Variants in CFAP206 observed in about 807,000 individuals in gnomAD.
CFAP206 encodes the protein cilia- and flagella-associated protein 206.
CFAP206 carries 53 observed loss-of-function variants against 65.4 expected under a neutral mutation model. The ratio of observed to expected loss-of-function variants is 0.81; its 90% CI spans 0.65 to 1.02. CFAP206 has a LOEUF of 1.02. Ranked by LOEUF, CFAP206 falls within the 50% of genes least tolerant of loss-of-function variation. CFAP206 has a pLI of 0.00. For missense variants in CFAP206, 663 were observed against 753.2 expected (o/e 0.88, Z 1.40); for synonymous variants, 250 against 254.4 (o/e 0.98, Z 0.17).
At chr6:87,428,479 C>T in intron 8 of CFAP206, 147 bp from the exon 9 acceptor site, 2 of 654,676 alleles carry the variant, frequency 3.1e-6, no homozygotes, top group Non-Finnish European at 5.3e-6. Context: ...AAATGTCTAT[C>T]TAAAGTCTAC....
intron 11 of CFAP206, chr6:87,436,946 G>T (rs1768277754): frequency 6.6e-6 from 1 of 152,146 alleles, no homozygotes; most frequent in African/African-American, 2.4e-5. Flanking sequence ...TTGCCAATTT[G>T]ATGAATTTAA....
At chr6:87,457,413 A>G (rs576235105) in intron 11 of CFAP206, among the ~76,000 whole-genome samples, 2 of 152,344 alleles carry the variant, frequency 1.3e-5, no homozygotes, top group African/African-American at 4.8e-5. Flanking sequence ...CTAACTTCAA[A>G]TTATACTACA....
intron 11 of CFAP206, among the ~76,000 whole-genome samples, chr6:87,439,883 A>C (rs1768337349): frequency 1.3e-5 from 2 of 152,148 alleles, no homozygotes; most frequent in South Asian, 4.1e-4. Flanking sequence ...CAATTTTAAA[A>C]AAAATCCTAT....
At chr6:87,433,926 C>A (rs781728749) in intron 10 of CFAP206, among the ~76,000 whole-genome samples, 2 of 151,720 alleles carry the variant, frequency 1.3e-5, no homozygotes, top group Non-Finnish European at 2.9e-5. Context: ...TTGATGAAAC[C>A]CCGTCTCTAT....
At chr6:87,421,211 C>T (rs1377070069) in intron 7 of CFAP206, among the ~76,000 whole-genome samples, 2 of 152,178 alleles carry the variant, frequency 1.3e-5, no homozygotes, top group South Asian at 2.1e-4. Context: ...ATAGGCCGAG[C>T]GTGGTGGCTC....
In CFAP206 at chr6:87,426,613, T is replaced by A. The variant is rs143566793; in HGVS notation, c.928T>A (p.Ser310Thr). ...GGAACAACTAAAAATGACCATAAAA[T>A]CAAAGATAGCGGTCCCAACATCACA... ...HLEQLKMTIK[S>T]KIAVPTSQVF... The change falls in exon 8 of 13, where the codon TCA (serine) becomes ACA (threonine). Residue 310 changes from serine (S) to threonine (T), a missense_variant. By Grantham distance (58) the Ser-to-Thr change is moderately conservative. Coordinates refer to ENST00000369562, the MANE Select transcript of CFAP206 (RefSeq NM_001031743.3). 6.5e-5 allele frequency: 103 copies of A among 1,595,100 alleles called. No homozygotes were observed. The African/African-American group carries it at 1.3e-3, about 20-fold the overall frequency.
chr6:87,408,651 T>A (rs1390786877), intron 1 of CFAP206: 1 of 152,306 alleles, frequency 6.6e-6, no homozygotes, highest in Non-Finnish European at 1.5e-5. Flanking sequence ...ATGCGCTGCC[T>A]GTGATCTTGG....
intron 11 of CFAP206, among the ~76,000 whole-genome samples, chr6:87,449,015 A>T (rs1169677664): frequency 6.6e-6 from 1 of 152,140 alleles, no homozygotes; most frequent in African/African-American, 2.4e-5. Flanking sequence ...CTTTGGATAT[A>T]TGCCCAGCAG....
chr6:87,464,194 A>C lies in CFAP206; in HGVS notation c.1813A>C (p.Ser605Arg). ...CTTGGCTGGTCTTCGTGGAGGAAAG[A>C]GCGAAATCACCGATGAGGTCAAGGT... ...IYLAGLRGGK[S>R]EITDEVKVNL... Residue 605 changes from serine to arginine, a missense_variant, in exon 13 of 13, where the codon AGC becomes CGC. By Grantham distance (110) the Ser-to-Arg change is moderately radical. Coordinates refer to ENST00000369562, the MANE Select transcript of CFAP206 (RefSeq NM_001031743.3). The C allele has an allele frequency of 6.2e-7, 1 of 1,614,200 alleles. No individual in the cohort carries two copies. The highest frequency in any genetic ancestry group is 1.1e-5 in the South Asian group (1 of 91,080).
chr6:87,464,375 T>G lies in CFAP206; in HGVS notation c.*125T>G, dbSNP rs967549609. On this transcript the variant is annotated 3_prime_UTR_variant, in exon 13 of 13. Transcript: ENST00000369562. ...CACATTCATTGGTTGTGTGACTGTT[T>G]ATTGGGTTCCCATATTTTATCAAAC... 9.1e-5 allele frequency: 55 copies of G among 603,270 alleles called. No individual in the cohort carries two copies. In the African/African-American group the frequency reaches 9.4e-4, roughly 10 times the overall value. The allele number at this position is 603,270 out of a possible 1,614,324, so 37.4% of individuals were successfully genotyped here.
chr6:87,413,939 A>G, intron 4 of CFAP206, 39 bp downstream of exon 4: 2 of 1,049,446 alleles, frequency 1.9e-6, no homozygotes, highest in Non-Finnish European at 2.7e-6. Context: ...AAAAAATTTC[A>G]TACTGTGTTT....
intron 11 of CFAP206, among the ~76,000 whole-genome samples, chr6:87,457,185 A>G (rs1229837957): frequency 6.6e-6 from 1 of 151,554 alleles, no homozygotes; most frequent in Non-Finnish European, 1.5e-5. Context: ...ATTGAAGAGG[A>G]CACAAAGCAA....
chr6:87,431,200 T>C (rs373644007), intron 10 of CFAP206, 27 bp downstream of exon 10: 1 of 1,594,878 alleles, frequency 6.3e-7, no homozygotes, highest in Non-Finnish European at 8.5e-7. Flanking sequence ...GAGACTGCTC[T>C]CCTTTCCCCG....
chr6:87,427,361 G>A (rs1426740438), intron 8 of CFAP206, among the ~76,000 whole-genome samples: 1 of 152,088 alleles, frequency 6.6e-6, no homozygotes. Context: ...GGATGGTCTT[G>A]ATCTCCTGAC....
intron 11 of CFAP206, among the ~76,000 whole-genome samples, chr6:87,459,177 GA>G (rs1768699865): frequency 6.6e-6 from 1 of 151,928 alleles, no homozygotes; most frequent in South Asian, 2.1e-4. Flanking sequence ...ATTATGAGGG[GA>G]AAATTTACAA....
At chr6:87,428,535 A>G in intron 8 of CFAP206, 91 bp from the exon 9 acceptor site, 2 of 1,257,230 alleles carry the variant, frequency 1.6e-6, no homozygotes, top group Non-Finnish European at 2.3e-6. Context: ...TAACTTCTTT[A>G]CAAATGACAA....
rs781437292 is a variant in CFAP206 at position 87,418,293 on chromosome 6, C to T, written c.717C>T (p.Arg239=). 2.5e-6 allele frequency: 4 copies of T among 1,614,120 alleles called. No individual in the cohort carries two copies. The South Asian group carries it at 4.4e-5, about 18-fold the overall frequency. ...QLETARSQVY[R]YTAILEKAAN... The stretch of plus-strand genomic sequence containing the variant: ...AGACTGCCCGGAGCCAGGTATACCG[C>T]TACACAGCCATCCTTGAGAAGGCAG... Residue 239 remains arginine (R), a synonymous_variant, in exon 7 of 13, where the codon CGC becomes CGT. Coordinates refer to ENST00000369562, the MANE Select transcript of CFAP206 (RefSeq NM_001031743.3).
At chr6:87,442,258 C>G (rs1768372725) in intron 11 of CFAP206, 1 of 153,088 alleles carries the variant, frequency 6.5e-6, no homozygotes, top group African/African-American at 2.4e-5. Flanking sequence ...ATTCTGGTTC[C>G]TTTTTTGCTA....
chr6:87,454,254 A>G (rs1219690730), intron 11 of CFAP206, among the ~76,000 whole-genome samples: 1 of 152,190 alleles, frequency 6.6e-6, no homozygotes, highest in Non-Finnish European at 1.5e-5. Context: ...TATTAGAGCT[A>G]AAGAGCGAAA....
Sources: gnomAD v4.1 joint callset for allele counts (sites outside exome capture counted in the v4.1 genomes callset) on GRCh38, gnomAD v4.1.1 for gene constraint, MANE v1.5 for transcripts, NCBI Gene and HGNC (gene_info 2026-07-23, HGNC 2026-07-21) for gene names.